Variants in KCNMA1 observed in about 807,000 individuals in gnomAD.
KCNMA1 encodes potassium calcium-activated channel subfamily M alpha 1, also known as Calcium-activated potassium channel subunit alpha-1.
A neutral mutation model predicts 140.0 loss-of-function variants in KCNMA1; 29 were observed. The observed-to-expected ratio is 0.21, with a 90% CI of 0.15 to 0.28. The LOEUF (loss-of-function observed/expected upper bound fraction) is 0.28, where lower values mean the gene tolerates loss of function less well. KCNMA1 is among the 10% of genes least tolerant of loss of function. The pLI is 1.00. For missense variants in KCNMA1, 880 were observed against 1,602.2 expected (o/e 0.55, Z 7.70); for synonymous variants, 612 against 611.9 (o/e 1.00, Z 0.00).
intron 1 of KCNMA1, among the ~76,000 whole-genome samples, chr10:77,476,434 C>G (rs1363757070): frequency 6.6e-6 from 1 of 152,060 alleles, no homozygotes; most frequent in South Asian, 2.1e-4. Flanking sequence ...CTTTGCAAGC[C>G]CAGCATTGGT....
chr10:77,362,182 G>C (rs1012964649), intron 2 of KCNMA1, among the ~76,000 whole-genome samples: 4 of 152,152 alleles, frequency 2.6e-5, no homozygotes, highest in Non-Finnish European at 5.9e-5. Context: ...CACTGCCCCT[G>C]CATCACAGAG....
At chr10:77,123,457 C>T (rs958355254) in intron 5 of KCNMA1, among the ~76,000 whole-genome samples, 1 of 152,158 alleles carries the variant, frequency 6.6e-6, no homozygotes, top group African/African-American at 2.4e-5. Flanking sequence ...ATAACAGACT[C>T]TACTGCTGGT....
At chr10:77,359,932 G>C (rs903892342) in intron 2 of KCNMA1, among the ~76,000 whole-genome samples, 1 of 152,214 alleles carries the variant, frequency 6.6e-6, no homozygotes, top group Non-Finnish European at 1.5e-5. Context: ...TGCCAAGGCA[G>C]AAAATGGGGG....
chr10:77,182,733 G>C (rs2098813055), intron 5 of KCNMA1, among the ~76,000 whole-genome samples: 1 of 152,050 alleles, frequency 6.6e-6, no homozygotes, highest in Admixed American at 6.6e-5. Flanking sequence ...CTGAATTCAG[G>C]GAAAAAATGA....
chr10:77,366,076 CT>C (rs1430461302), intron 2 of KCNMA1, among the ~76,000 whole-genome samples: 1 of 152,262 alleles, frequency 6.6e-6, no homozygotes, highest in East Asian at 1.9e-4. Flanking sequence ...CAAGGAAGCA[CT>C]TTGCAAATTC....
intron 1 of KCNMA1, among the ~76,000 whole-genome samples, chr10:77,509,135 TTGTTTGA>T (rs2047408885): frequency 6.8e-6 from 1 of 147,764 alleles, no homozygotes; most frequent in African/African-American, 2.6e-5. Context: ...GTTGTTGTTG[TTGTTTGA>T]CAGAGTATCA....
intron 1 of KCNMA1, among the ~76,000 whole-genome samples, chr10:77,551,639 T>G (rs1603635476): frequency 6.6e-6 from 1 of 152,182 alleles, no homozygotes; most frequent in Non-Finnish European, 1.5e-5. Flanking sequence ...CAGCCTTAAT[T>G]AAATATTTCT....
intron 2 of KCNMA1, among the ~76,000 whole-genome samples, chr10:77,393,490 T>C (rs1347420946): frequency 6.6e-6 from 1 of 152,250 alleles, no homozygotes; most frequent in South Asian, 2.1e-4. Flanking sequence ...GGGACTATTA[T>C]TGTCCCCATT....
intron 20 of KCNMA1, among the ~76,000 whole-genome samples, chr10:76,955,735 T>C (rs2068007267): frequency 6.6e-6 from 1 of 152,184 alleles, no homozygotes; most frequent in African/African-American, 2.4e-5. Context: ...TGAGGGATGT[T>C]TTTGTCCTTG....
At chr10:77,618,465 CT>C (rs904384215) in intron 1 of KCNMA1, among the ~76,000 whole-genome samples, 10 of 152,148 alleles carry the variant, frequency 6.6e-5, no homozygotes, top group Non-Finnish European at 1.5e-4. Flanking sequence ...TAACTGGCAA[CT>C]GGCCAGGTAT....
At chr10:77,120,046 C>T (rs1037371256) in intron 6 of KCNMA1, among the ~76,000 whole-genome samples, 4 of 152,216 alleles carry the variant, frequency 2.6e-5, no homozygotes, top group African/African-American at 7.2e-5. Context: ...ATCCTCAAAA[C>T]TACAGATATA....
chr10:77,516,377 G>A (rs1223856657), intron 1 of KCNMA1, among the ~76,000 whole-genome samples: 1 of 152,058 alleles, frequency 6.6e-6, no homozygotes, highest in African/African-American at 2.4e-5. Context: ...TTTCATTTGT[G>A]CTTGTGCACT....
chr10:77,430,156 GAGA>G (rs2097122424), intron 1 of KCNMA1, among the ~76,000 whole-genome samples: 1 of 152,188 alleles, frequency 6.6e-6, no homozygotes, highest in South Asian at 2.1e-4. Context: ...TGCTGCAAGA[GAGA>G]AGGTCACCTA....
chr10:76,931,125 A>C (rs2059164743), intron 23 of KCNMA1, among the ~76,000 whole-genome samples: 1 of 152,174 alleles, frequency 6.6e-6, no homozygotes, highest in African/African-American at 2.4e-5. Flanking sequence ...GTTTGCAAAA[A>C]GAATAGATCT....
At chr10:76,896,532 C>T (rs1209859346) in intron 25 of KCNMA1, among the ~76,000 whole-genome samples, 1 of 152,150 alleles carries the variant, frequency 6.6e-6, no homozygotes, top group Non-Finnish European at 1.5e-5. Context: ...AGATTAAAGA[C>T]AGACATAGGA....
chr10:76,892,436 TA>T (rs1360125793), intron 25 of KCNMA1, among the ~76,000 whole-genome samples: 3 of 152,052 alleles, frequency 2.0e-5, no homozygotes, highest in Admixed American at 6.5e-5. Flanking sequence ...AATGGGAGTT[TA>T]AAAAAAATTA....
At chr10:77,623,462 G>A (rs758162119) in intron 1 of KCNMA1, among the ~76,000 whole-genome samples, 8 of 151,938 alleles carry the variant, frequency 5.3e-5, no homozygotes, top group Non-Finnish European at 1.2e-4. Flanking sequence ...CTGGGAGGCC[G>A]AGGCAGGTGG....
chr10:76,916,570 C>G (rs1225982534), intron 23 of KCNMA1, among the ~76,000 whole-genome samples: 1 of 152,216 alleles, frequency 6.6e-6, no homozygotes, highest in African/African-American at 2.4e-5. Context: ...ACACTCACTT[C>G]GGTTTCTCCT....
At chr10:76,920,020 G>GTGTGTGTGTA (rs1177257916) in intron 23 of KCNMA1, among the ~76,000 whole-genome samples, 1 of 34,408 alleles carries the variant, frequency 2.9e-5, no homozygotes, top group African/African-American at 1.1e-4. Context: ...GTGTGTGTGT[G>GTGTGTGTGTA]TATATATATA....
Sources: gnomAD v4.1 joint callset for allele counts (sites outside exome capture counted in the v4.1 genomes callset) on GRCh38, gnomAD v4.1.1 for gene constraint, MANE v1.5 for transcripts, NCBI Gene and HGNC (gene_info 2026-07-23, HGNC 2026-07-21) for gene names.